Variants in CENPP observed in about 807,000 individuals in gnomAD.
The protein encoded by CENPP is centromere protein P.
A neutral mutation model predicts 35.6 loss-of-function variants in CENPP; 24 were observed. The observed-to-expected ratio is 0.67, with a 90% CI of 0.49 to 0.95. The LOEUF is 0.95. Ranked by LOEUF, CENPP falls within the 40% of genes least tolerant of loss-of-function variation. The probability of loss-of-function intolerance (pLI) is 0.00; values close to 1 mark genes in which losing one functional copy is unlikely to be tolerated. For synonymous variants in CENPP, 120 were observed against 125.5 expected, an observed-to-expected ratio of 0.96 and a Z score of 0.29; for missense variants, 332 against 345.3, an observed-to-expected ratio of 0.96 and a Z score of 0.31.
At chr9:92,444,481 C>CA (rs1205448082) in intron 5 of CENPP, among the ~76,000 whole-genome samples, 2 of 151,606 alleles carry the variant, frequency 1.3e-5, no homozygotes, top group Non-Finnish European at 2.9e-5. Flanking sequence ...TTTTGATGGA[C>CA]AAAACGTTTT....
At chr9:92,522,716 T>A (rs765740420) in intron 5 of CENPP, 1 of 1,614,072 alleles carries the variant, frequency 6.2e-7, no homozygotes, top group Non-Finnish European at 8.5e-7. Flanking sequence ...CCAAGCTGTC[T>A]GTTTGATCTG....
At chr9:92,344,829 T>G (rs1476657279) in intron 3 of CENPP, among the ~76,000 whole-genome samples, 2 of 150,274 alleles carry the variant, frequency 1.3e-5, no homozygotes, top group South Asian at 2.1e-4. Context: ...ATTACAGGCG[T>G]GAGCCACCGC....
chr9:92,486,466 A>T (rs1846060087), intron 5 of CENPP, among the ~76,000 whole-genome samples: 1 of 152,230 alleles, frequency 6.6e-6, no homozygotes, highest in Non-Finnish European at 1.5e-5. Context: ...TCGAAGTCCA[A>T]ATTTACAATG....
At chr9:92,530,597 A>G (rs1848686194) in intron 5 of CENPP, among the ~76,000 whole-genome samples, 1 of 152,140 alleles carries the variant, frequency 6.6e-6, no homozygotes, top group Non-Finnish European at 1.5e-5. Flanking sequence ...TTTAGTCGTT[A>G]TATCTTTCTG....
intron 5 of CENPP, among the ~76,000 whole-genome samples, chr9:92,599,656 G>T (rs531345082): frequency 6.6e-6 from 1 of 152,106 alleles, no homozygotes; most frequent in African/African-American, 2.4e-5. Flanking sequence ...ACCTGACGTG[G>T]TCCACCTGCC....
Position 92,612,494 on chromosome 9 carries a change from C to T in CENPP, c.645-29C>T, listed in dbSNP as rs371638351. On this transcript the variant is annotated intron_variant, in intron 6 of 7. Coordinates refer to ENST00000375587, the MANE Select transcript of CENPP (RefSeq NM_001012267.3). ...TCTTTTCGCCAGATTTCAAAAAGCA[C>T]ATAACGACATGTTTTACTGCTTTTT... 70 of 1,546,282 alleles carry T rather than the reference C, an allele frequency of 4.5e-5. No homozygotes were observed. The African/African-American group carries it at 8.7e-4, about 19-fold the overall frequency.
chr9:92,406,646 G>C (rs960821152), intron 5 of CENPP, among the ~76,000 whole-genome samples: 1 of 152,174 alleles, frequency 6.6e-6, no homozygotes, highest in South Asian at 2.1e-4. Context: ...TGGCACTGCA[G>C]CCTCACTTCA....
intron 5 of CENPP, among the ~76,000 whole-genome samples, chr9:92,430,881 C>T (rs528137389): frequency 6.6e-5 from 10 of 152,092 alleles, no homozygotes; most frequent in Middle Eastern, 3.4e-3. Context: ...CTGCACCCTC[C>T]GCCTCCTGAG....
At chr9:92,447,273 A>G (rs1844577564) in intron 5 of CENPP, among the ~76,000 whole-genome samples, 2 of 151,988 alleles carry the variant, frequency 1.3e-5, no homozygotes, top group South Asian at 4.1e-4. Context: ...ACAGATCACC[A>G]TCATGTAGAA....
chr9:92,398,969 G>T (rs1842999710), intron 5 of CENPP, among the ~76,000 whole-genome samples: 1 of 151,778 alleles, frequency 6.6e-6, no homozygotes, highest in East Asian at 1.9e-4. Flanking sequence ...GCTGAAGCAG[G>T]AGAATTGCTT....
intron 5 of CENPP, among the ~76,000 whole-genome samples, chr9:92,421,472 AAGG>A (rs1398490764): frequency 6.6e-6 from 1 of 152,204 alleles, no homozygotes. Flanking sequence ...AGAATCTTGG[AAGG>A]AGGTAGATTT....
At chr9:92,533,430 TTC>T (rs1270300921) in intron 5 of CENPP, among the ~76,000 whole-genome samples, 1 of 147,964 alleles carries the variant, frequency 6.8e-6, no homozygotes, top group Non-Finnish European at 1.5e-5. Flanking sequence ...GTTTGTTTGT[TTC>T]TCTCTGTCCT....
intron 5 of CENPP, among the ~76,000 whole-genome samples, chr9:92,431,263 C>A (rs188294041): frequency 4.0e-4 from 61 of 152,272 alleles, no homozygotes; most frequent in African/African-American, 1.3e-3. Flanking sequence ...TTTCCATACA[C>A]TAGATTTCTT....
chr9:92,514,275 T>TA (rs1847544300), intron 5 of CENPP, among the ~76,000 whole-genome samples: 1 of 136,482 alleles, frequency 7.3e-6, no homozygotes, highest in African/African-American at 2.7e-5. Context: ...AGTCATTTAC[T>TA]TTTTTTTTTT....
chr9:92,618,153 C>T lies in CENPP; in HGVS notation c.*5004C>T, dbSNP rs375448674. The T allele has an allele frequency of 1.6e-3, 720 of 445,110 alleles. 11 individuals are homozygous for T. The highest frequency in any genetic ancestry group is 0.01 in the South Asian group (666 of 63,896). The allele number at this position is 445,110 out of a possible 1,614,324, so 27.6% of individuals were successfully genotyped here. On this transcript the variant is annotated 3_prime_UTR_variant, in exon 8 of 8. Coordinates refer to ENST00000375587, the MANE Select transcript of CENPP (RefSeq NM_001012267.3). ...TCCTGGAAGCAGGCCCAGCCCCACA[C>T]GCCATGTTCTCGGAGGAGAAGCCTT...
chr9:92,618,364 C>G lies in CENPP; in HGVS notation c.*5215C>G. 1 of 456,730 alleles carries G rather than the reference C, an allele frequency of 2.2e-6. No individual in the cohort carries two copies. The highest frequency in any genetic ancestry group is 1.5e-5 in the South Asian group (1 of 64,564). 28.3% of individuals were successfully genotyped at this position (456,730 alleles called of 1,614,324 possible). A position where few individuals can be genotyped will look rare whatever the true frequency, so the allele number is the denominator to read the frequency against. ...CGTAAGGACCCGGGCCTTCAGCTTT[C>G]CCCGCATGCTGGCTTTCCAATTTGA... is the stretch of plus-strand genomic sequence containing the variant. On this transcript the variant is annotated 3_prime_UTR_variant, in exon 8 of 8. Coordinates refer to ENST00000375587, the MANE Select transcript of CENPP (RefSeq NM_001012267.3).
intron 5 of CENPP, among the ~76,000 whole-genome samples, chr9:92,563,110 A>AT (rs1849886136): frequency 2.0e-5 from 3 of 152,296 alleles, no homozygotes; most frequent in African/African-American, 7.2e-5. Context: ...GATTCATGGC[A>AT]TTTTTATAAG....
chr9:92,371,246 A>G (rs958719315), intron 4 of CENPP, among the ~76,000 whole-genome samples: 1 of 152,108 alleles, frequency 6.6e-6, no homozygotes, highest in African/African-American at 2.4e-5. Flanking sequence ...GTCAGCATTT[A>G]TTGCTATAAA....
rs541162445 is a variant in CENPP, at chr9:92,556,493, G to A, written c.565-54821G>A. Among the ~76,000 whole-genome samples, 6 of 152,216 alleles carry A rather than the reference G, an allele frequency of 3.9e-5. No homozygotes were observed. The East Asian group carries it at 1.2e-3, about 29-fold the overall frequency. On this transcript the variant is annotated intron_variant, in intron 5 of 7. Transcript: ENST00000375587. ...TCATTTCTTAGGTCTATTAATAATT[G>A]TTTTATAAATTTGGGAGCACCAGTG...
Sources: gnomAD v4.1 joint callset for allele counts (sites outside exome capture counted in the v4.1 genomes callset) on GRCh38, gnomAD v4.1.1 for gene constraint, MANE v1.5 for transcripts, NCBI Gene and HGNC (gene_info 2026-07-23, HGNC 2026-07-21) for gene names.